Variants in SERPINA12 observed in about 807,000 individuals in gnomAD.
SERPINA12 encodes serpin A12.
In SERPINA12, 21 loss-of-function variants were observed where a neutral mutation model predicts 25.9. The ratio of observed to expected loss-of-function variants is 0.81; its 90% CI spans 0.58 to 1.17. The LOEUF (loss-of-function observed/expected upper bound fraction) is 1.17. Among genes scored for constraint, SERPINA12 ranks in the 50% most tolerant of loss-of-function variants. The pLI, the probability that SERPINA12 is intolerant of heterozygous loss-of-function variation, is 0.00. For missense variants in SERPINA12, 562 were observed against 508.3 expected, an observed-to-expected ratio of 1.11 and a Z score of -1.02; for synonymous variants, 220 against 196.0, an observed-to-expected ratio of 1.12 and a Z score of -1.02.
Position 94,500,820 on chromosome 14 carries a change from T to C in SERPINA12, c.-33-2390A>G, listed in dbSNP as rs963151623. The C allele has an allele frequency of 3.0e-6, 3 of 983,668 alleles. No individual in the cohort carries two copies. In the African/African-American group the frequency reaches 5.2e-5, roughly 17 times the overall value. 60.9% of individuals were successfully genotyped at this position (983,668 alleles called of 1,614,324 possible). ...CCTTGCCTCTGGACCCCCAGTGACG[T>C]TGAGTTACATGGTCACTTCCTTGAA... On this transcript the variant is annotated intron_variant, in intron 1 of 4. Transcript: ENST00000677451.
intron 4 of SERPINA12, among the ~76,000 whole-genome samples, chr14:94,487,786 C>T (rs1899967636): frequency 6.6e-6 from 1 of 152,290 alleles, no homozygotes; most frequent in Non-Finnish European, 1.5e-5. Context: ...TACAGGGAAG[C>T]ATCAACCATA....
Position 94,496,589 on chromosome 14 carries a change from A to T in SERPINA12, c.689T>A (p.Leu230Gln). 6.2e-7 allele frequency: 1 copy of T among 1,614,052 alleles called. No individual in the cohort carries two copies. The highest frequency in any genetic ancestry group is 8.5e-7 in the Non-Finnish European group (1 of 1,179,938). The change falls in exon 3 of 5, where the codon CTG becomes CAG. Residue 230 changes from leucine to glutamine, a missense_variant. Transcript: ENST00000677451. ...CACCTTGACTGAACTGTTTTTCTCC[A>T]GAAAGAAATCTTCCTCTTTAGTTAC... Reference protein sequence around the residue: ...PNVTKEEDFFLEKNSSVKVPM... With the variant: ...PNVTKEEDFFQEKNSSVKVPM...
intron 4 of SERPINA12, among the ~76,000 whole-genome samples, chr14:94,489,292 A>T (rs901704829): frequency 2.0e-5 from 3 of 152,082 alleles, no homozygotes; most frequent in African/African-American, 4.8e-5. Flanking sequence ...AGAAAGAAAG[A>T]AAGACGGATG....
intron 1 of SERPINA12, among the ~76,000 whole-genome samples, 59 bp downstream of exon 1, chr14:94,509,279 AACAC>A (rs3065835): frequency 0.047 from 6,367 of 134,632 alleles, 359 homozygotes; most frequent in African/African-American, 0.14. Context: ...AGAAACAGAC[AACAC>A]ACACACACAC....
At chr14:94,489,797 G>A (rs3736803) in intron 3 of SERPINA12, 30 bp from the exon 4 acceptor site, 181,888 of 1,607,962 alleles carry the variant, frequency 0.11, 10,929 homozygotes, top group East Asian at 0.21. Flanking sequence ...AGGGTGAGTG[G>A]TCAAGTCCTG....
At chr14:94,507,186 T>G (rs1286114456) in intron 1 of SERPINA12, among the ~76,000 whole-genome samples, 1 of 152,198 alleles carries the variant, frequency 6.6e-6, no homozygotes, top group Non-Finnish European at 1.5e-5. Context: ...GACCTAAATG[T>G]GAAAGGTATT....
chr14:94,493,707 C>T (rs1900277364), intron 3 of SERPINA12, among the ~76,000 whole-genome samples: 1 of 152,076 alleles, frequency 6.6e-6, no homozygotes, highest in Non-Finnish European at 1.5e-5. Context: ...GACGCCGCTT[C>T]TGTGCGCTGT....
chr14:94,512,497 T>A (rs775170185), upstream of SERPINA12, among the ~76,000 whole-genome samples: 1 of 152,216 alleles, frequency 6.6e-6, no homozygotes, highest in Non-Finnish European at 1.5e-5. Flanking sequence ...AATAAAATAG[T>A]AATTAATTAC....
intron 1 of SERPINA12, among the ~76,000 whole-genome samples, chr14:94,517,062 T>C (rs1901254537): frequency 6.6e-6 from 1 of 152,152 alleles, no homozygotes; most frequent in Admixed American, 6.5e-5. Flanking sequence ...AAACTGCCCT[T>C]TGGGGGCACA....
chr14:94,500,558 G>C (rs1900673631), intron 1 of SERPINA12, among the ~76,000 whole-genome samples: 1 of 152,150 alleles, frequency 6.6e-6, no homozygotes, highest in African/African-American at 2.4e-5. Flanking sequence ...GGGGCATGTG[G>C]CTTAAGGGGT....
At chr14:94,506,386 A>C (rs1296720038) in intron 1 of SERPINA12, among the ~76,000 whole-genome samples, 1 of 152,176 alleles carries the variant, frequency 6.6e-6, no homozygotes, top group Non-Finnish European at 1.5e-5. Flanking sequence ...ACACTAGGTA[A>C]GGGCCAAGGT....
chr14:94,489,569 G>A (rs1199904880), intron 4 of SERPINA12, 51 bp downstream of exon 4: 2 of 1,590,996 alleles, frequency 1.3e-6, no homozygotes, highest in Non-Finnish European at 1.7e-6. Context: ...GCCCCGGCTG[G>A]GGGAAGGCCC....
rs778410336 is a variant in SERPINA12, at chr14:94,489,687, G to A, written c.986C>T (p.Ser329Phe). The change falls in exon 4 of 5, where the codon TCC becomes TTC. Residue 329 changes from serine (S) to phenylalanine (F), a missense_variant. By Grantham distance (155) the Ser-to-Phe change is radical. Transcript: ENST00000677451. ...ATCACCATGTTCCTCAAAGATTTTGGAGACACCTATGTAGGAGAGAGTCTT... is the reference window on the plus strand; with the variant it reads ...ATCACCATGTTCCTCAAAGATTTTGAAGACACCTATGTAGGAGAGAGTCTT... ...LKKTLSYIGV[S>F]KIFEEHGDLT... 1 of 1,614,164 alleles carries A rather than the reference G, an allele frequency of 6.2e-7. No individual in the cohort carries two copies. The highest frequency in any genetic ancestry group is 8.5e-7 in the Non-Finnish European group (1 of 1,180,032).
At chr14:94,502,554 C>T (rs955573584) in intron 1 of SERPINA12, among the ~76,000 whole-genome samples, 3 of 152,242 alleles carry the variant, frequency 2.0e-5, no homozygotes, top group East Asian at 3.8e-4. Flanking sequence ...ACACAGGCTA[C>T]AGAAGGTCTA....
At chr14:94,505,065 A>C (rs1474945969) in intron 1 of SERPINA12, among the ~76,000 whole-genome samples, 1 of 152,240 alleles carries the variant, frequency 6.6e-6, no homozygotes, top group Non-Finnish European at 1.5e-5. Flanking sequence ...TCCAGTGAGC[A>C]GAAAAAACAT....
intron 2 of SERPINA12, among the ~76,000 whole-genome samples, chr14:94,514,981 A>T (rs1332927186): frequency 6.6e-6 from 1 of 152,172 alleles, no homozygotes. Flanking sequence ...TGGCCGGAGA[A>T]ATGGTGCTGT....
chr14:94,507,472 T>C (rs1226751932), intron 1 of SERPINA12, among the ~76,000 whole-genome samples: 1 of 152,240 alleles, frequency 6.6e-6, no homozygotes. Context: ...AAAAGGCTCA[T>C]GCCTGTTTTT....
chr14:94,504,388 C>T (rs118113526), intron 1 of SERPINA12, among the ~76,000 whole-genome samples: 5 of 152,332 alleles, frequency 3.3e-5, no homozygotes, highest in East Asian at 1.9e-4. Flanking sequence ...CCTTTTGCAA[C>T]GACTCTATTT....
At position 94,496,372 on chromosome 14, in the gene SERPINA12, C is replaced by A. The variant is rs781207733; in HGVS notation, c.905+1G>T. 175 of 1,614,056 alleles carry A rather than the reference C, an allele frequency of 1.1e-4. No individual in the cohort carries two copies. The highest frequency in any genetic ancestry group is 3.3e-4 in the Middle Eastern group (2 of 6,084). ...CTGCGAGGGCTAGGCACCCACTTTA[C>A]CTGCGTGACAGTAATGTTTTCCATC... On this transcript the variant is annotated splice_donor_variant, in intron 3 of 4. Transcript: ENST00000677451. LOFTEE classifies it high-confidence loss of function.
Sources: allele counts gnomAD v4.1 joint callset (sites outside exome capture counted in the v4.1 genomes callset), GRCh38; gene constraint gnomAD v4.1.1; transcripts MANE v1.5; gene names NCBI Gene and HGNC (gene_info 2026-07-23, HGNC 2026-07-21).